LRBA: variants seen among roughly 807,000 people sequenced by gnomAD.
LRBA encodes the protein lipopolysaccharide-responsive and beige-like anchor protein.
A neutral mutation model predicts 330.0 loss-of-function variants in LRBA; 176 were observed. The ratio of observed to expected loss-of-function variants is 0.53; its 90% confidence interval spans 0.47 to 0.60. The LOEUF is 0.60. Ranked by LOEUF, LRBA falls within the 20% of genes least tolerant of loss-of-function variation. The pLI, the probability that LRBA is intolerant of heterozygous loss-of-function variation, is 0.00. For missense variants in LRBA, 3,259 were observed against 3,444.8 expected, an observed-to-expected ratio of 0.95 and a Z score of 1.35; for synonymous variants, 1,230 against 1,193.0, an observed-to-expected ratio of 1.03 and a Z score of -0.64.
intron 37 of LRBA, among the ~76,000 whole-genome samples, chr4:150,658,430 T>C (rs550122577): frequency 6.7e-6 from 1 of 149,892 alleles, no homozygotes; most frequent in South Asian, 2.1e-4. Context: ...TGTTATCAAG[T>C]TATCATAATA....
chr4:150,851,898 C>T lies in LRBA; in HGVS notation c.3812G>A (p.Arg1271Gln), dbSNP rs772811950. 6 of 1,607,954 alleles carry T rather than the reference C, an allele frequency of 3.7e-6. No individual in the cohort carries two copies. Among genetic ancestry groups the T allele is most frequent in the Non-Finnish European group, 5.1e-6 (6 of 1,176,840 alleles). The stretch of plus-strand genomic sequence containing the variant: ...ATATAAAATCACCTCAAGCACATGT[C>T]GATGAGGTTGAGGTGCTTCCACGTT... The part of the protein sequence containing the change: ...SPNVEAPQPH[R>Q]HVLEISRQHE... Residue 1271 changes from arginine (R) to glutamine (Q), a missense_variant, in exon 23 of 57, where the codon CGA becomes CAA. Coordinates refer to ENST00000651943, the MANE Select transcript of LRBA (RefSeq NM_001364905.1).
At chr4:150,890,731 G>A (rs1729372817) in intron 17 of LRBA, among the ~76,000 whole-genome samples, 2 of 152,196 alleles carry the variant, frequency 1.3e-5, no homozygotes, top group South Asian at 4.1e-4. Context: ...ATGTTAAGAT[G>A]AGTTAGTCAC....
chr4:150,370,589 T>A (rs1303849477), intron 47 of LRBA, among the ~76,000 whole-genome samples: 2 of 152,174 alleles, frequency 1.3e-5, no homozygotes, highest in African/African-American at 4.8e-5. Flanking sequence ...AAAACTATTC[T>A]GTATGGTACT....
chr4:150,905,572 C>A (rs982640288), intron 13 of LRBA, among the ~76,000 whole-genome samples: 4 of 151,652 alleles, frequency 2.6e-5, no homozygotes, highest in Non-Finnish European at 2.9e-5. Context: ...AAGACTATAC[C>A]TGTATCTTTT....
intron 53 of LRBA, among the ~76,000 whole-genome samples, chr4:150,296,907 C>T (rs62344540): frequency 0.15 from 22,660 of 149,694 alleles, 2,034 homozygotes; most frequent in Non-Finnish European, 0.2. Flanking sequence ...CACCCCCCCG[C>T]GCCCACCCCC....
rs1314729100 is a variant in LRBA at position 150,282,517 on chromosome 4, C to A, written c.8249G>T (p.Gly2750Val). 3 of 1,614,158 alleles carry A rather than the reference C, an allele frequency of 1.9e-6. No individual in the cohort carries two copies. The East Asian group carries it at 6.7e-5, about 36-fold the overall frequency. ...EGHCVIFYENGLFCTFSVNGK... is the reference protein window; with the variant it reads ...EGHCVIFYENVLFCTFSVNGK... ...ATTCACACTGAATGTACAGAAGAGG[C>A]CGTTTTCATAGAATATGACACAATG... is the stretch of plus-strand genomic sequence containing the variant. Residue 2750 changes from glycine to valine, a missense_variant, in exon 55 of 57, where the codon GGC becomes GTC. Transcript: ENST00000651943.
intron 48 of LRBA, 45 bp downstream of exon 48, chr4:150,349,947 A>T: frequency 6.4e-7 from 1 of 1,570,182 alleles, no homozygotes; most frequent in Non-Finnish European, 8.7e-7. Flanking sequence ...CTTCTAGTTT[A>T]AATATACCTG....
At chr4:150,371,293 A>C (rs1740278519) in intron 47 of LRBA, among the ~76,000 whole-genome samples, 1 of 147,840 alleles carries the variant, frequency 6.8e-6, no homozygotes, top group Non-Finnish European at 1.5e-5. Flanking sequence ...CCTGGGTTCA[A>C]GCGATTCTCC....
chr4:150,320,169 G>A (rs1266727437), intron 50 of LRBA, among the ~76,000 whole-genome samples: 1 of 152,152 alleles, frequency 6.6e-6, no homozygotes, highest in Non-Finnish European at 1.5e-5. Flanking sequence ...TAAAATCTGA[G>A]TGAGAAAACC....
rs74479974 is a variant in LRBA at position 150,818,532 on chromosome 4, C to CTGTGTGTGTGTG, written c.5172-1287_5172-1276dup. Among the ~76,000 whole-genome samples the CTGTGTGTGTGTG allele has an allele frequency of 6.7e-3, 980 of 145,866 alleles. 4 individuals carry two copies. The highest frequency in any genetic ancestry group is 0.011 in the East Asian group (52 of 4,892). ...AAGGGGGAGTAGATATGACGAATGTCTGTGTGTGTGTGTGTGTGTGTGTGT... is the reference window on the plus strand; with the variant it reads ...AAGGGGGAGTAGATATGACGAATGTCTGTGTGTGTGTGTGTGTGTGTGTGTGTGTGTGTGTGT... On this transcript the variant is annotated intron_variant, in intron 30 of 56. Transcript: ENST00000651943.
At chr4:151,014,994 G>T (rs566767840) in intron 1 of LRBA, 133 bp from the exon 2 acceptor site, 48 of 196,876 alleles carry the variant, frequency 2.4e-4, no homozygotes, top group African/African-American at 1.0e-3. Context: ...CGCTTCTCCC[G>T]GGCTCAAAAA....
At chr4:150,590,917 G>A (rs940008278) in intron 38 of LRBA, 58 bp from the exon 39 acceptor site, 18 of 1,566,152 alleles carry the variant, frequency 1.1e-5, no homozygotes, top group Middle Eastern at 1.9e-4. Flanking sequence ...CTTCGGCAGA[G>A]GGGTAGGGGC....
At chr4:150,461,490 T>G (rs774368149) in intron 44 of LRBA, among the ~76,000 whole-genome samples, 9 of 151,770 alleles carry the variant, frequency 5.9e-5, no homozygotes, top group Non-Finnish European at 5.9e-5. Context: ...GTGTTCAAAT[T>G]CTGATTCTAC....
At chr4:150,944,790 T>C (rs1736065148) in intron 2 of LRBA, among the ~76,000 whole-genome samples, 1 of 152,180 alleles carries the variant, frequency 6.6e-6, no homozygotes. Flanking sequence ...CACCCAAATC[T>C]CATCTTGAAT....
At chr4:150,969,775 G>A (rs866401742) in intron 2 of LRBA, among the ~76,000 whole-genome samples, 13 of 152,150 alleles carry the variant, frequency 8.5e-5, no homozygotes, top group Middle Eastern at 3.4e-3. Flanking sequence ...TGGCCAAAGC[G>A]GTTTCTTGAG....
chr4:150,586,467 T>C (rs1772126595), intron 40 of LRBA, among the ~76,000 whole-genome samples: 1 of 152,128 alleles, frequency 6.6e-6, no homozygotes, highest in Admixed American at 6.5e-5. Context: ...CTTAAAGCAT[T>C]AACATCTATA....
chr4:150,628,702 G>A (rs1316445106), intron 37 of LRBA, among the ~76,000 whole-genome samples: 3 of 152,136 alleles, frequency 2.0e-5, no homozygotes, highest in Non-Finnish European at 2.9e-5. Context: ...TGAACCATGA[G>A]TCCTTCTTTT....
intron 42 of LRBA, among the ~76,000 whole-genome samples, chr4:150,482,430 C>T (rs1292572021): frequency 6.6e-6 from 1 of 151,968 alleles, no homozygotes; most frequent in Non-Finnish European, 1.5e-5. Context: ...ACAGTTTGTC[C>T]ATTTACCAGT....
intron 41 of LRBA, among the ~76,000 whole-genome samples, chr4:150,489,289 A>T (rs369009778): frequency 0.024 from 867 of 35,798 alleles, 32 homozygotes; most frequent in South Asian, 0.13. Context: ...TATATATAAG[A>T]ATATATAATA....
Sources: gnomAD v4.1 joint callset for allele counts (sites outside exome capture counted in the v4.1 genomes callset) on GRCh38, gnomAD v4.1.1 for gene constraint, MANE v1.5 for transcripts, NCBI Gene and HGNC (gene_info 2026-07-23, HGNC 2026-07-21) for gene names.